Variants in FOXP1 observed in about 807,000 individuals in gnomAD.
The protein encoded by FOXP1 is forkhead box P1.
FOXP1 carries 15 observed loss-of-function variants against 98.2 expected under a neutral mutation model. The ratio of observed to expected loss-of-function variants is 0.15; its 90% CI spans 0.10 to 0.24. The LOEUF (loss-of-function observed/expected upper bound fraction) is 0.24. Ranked by LOEUF, FOXP1 falls within the 10% of genes least tolerant of loss-of-function variation. The probability of loss-of-function intolerance (pLI) is 1.00; values close to 1 mark genes in which losing one functional copy is unlikely to be tolerated. For missense variants in FOXP1, 633 were observed against 848.5 expected, an observed-to-expected ratio of 0.75 and a Z score of 3.15; for synonymous variants, 371 against 314.5, an observed-to-expected ratio of 1.18 and a Z score of -1.90.
chr3:71,469,116 T>C (rs1461933695), intron 3 of FOXP1, among the ~76,000 whole-genome samples: 2 of 152,066 alleles, frequency 1.3e-5, no homozygotes, highest in African/African-American at 4.8e-5. Flanking sequence ...ACTAAGAAAA[T>C]AACAATAAAA....
chr3:71,535,475 C>T (rs2044214373), intron 2 of FOXP1, among the ~76,000 whole-genome samples: 1 of 152,036 alleles, frequency 6.6e-6, no homozygotes, highest in Admixed American at 6.6e-5. Flanking sequence ...GAGGCCAAGG[C>T]AGGTGGATCA....
At chr3:70,969,906 T>G (rs1016799032) in intron 19 of FOXP1, 1 of 152,258 alleles carries the variant, frequency 6.6e-6, no homozygotes, top group East Asian at 1.9e-4. Context: ...AAAAGGATAC[T>G]GCTTACTTAT....
intron 5 of FOXP1, among the ~76,000 whole-genome samples, chr3:71,265,286 A>T (rs2069530550): frequency 6.6e-6 from 1 of 152,218 alleles, no homozygotes; most frequent in Non-Finnish European, 1.5e-5. Flanking sequence ...ACTTGAAGAG[A>T]AATCACCCAG....
At chr3:71,019,944 A>G (rs1576213953) in intron 11 of FOXP1, among the ~76,000 whole-genome samples, 1 of 152,160 alleles carries the variant, frequency 6.6e-6, no homozygotes, top group African/African-American at 2.4e-5. Context: ...ATATTGTTCT[A>G]TTTCATTTCT....
At chr3:71,519,832 A>C (rs534241552) in intron 2 of FOXP1, among the ~76,000 whole-genome samples, 1 of 152,372 alleles carries the variant, frequency 6.6e-6, no homozygotes, top group South Asian at 2.1e-4. Flanking sequence ...CTGGGATGTA[A>C]GCAAATGCTT....
intron 6 of FOXP1, among the ~76,000 whole-genome samples, chr3:71,169,494 T>G (rs190586374): frequency 2.6e-4 from 39 of 152,324 alleles, no homozygotes; most frequent in Admixed American, 2.5e-3. Context: ...CATTCTAGCC[T>G]CATGTTCCTT....
intron 3 of FOXP1, among the ~76,000 whole-genome samples, chr3:71,459,913 T>G (rs2087864331): frequency 6.6e-6 from 1 of 151,890 alleles, no homozygotes; most frequent in Admixed American, 6.6e-5. Context: ...CCTAAAATAA[T>G]ATATCAGGCC....
intron 11 of FOXP1, among the ~76,000 whole-genome samples, chr3:71,025,738 T>C (rs1393053298): frequency 6.6e-6 from 1 of 152,186 alleles, no homozygotes; most frequent in Non-Finnish European, 1.5e-5. Context: ...ATCTGTTGGG[T>C]GATATGGTCA....
At chr3:71,301,143 C>T (rs953150590) in intron 4 of FOXP1, among the ~76,000 whole-genome samples, 1 of 152,160 alleles carries the variant, frequency 6.6e-6, no homozygotes, top group Non-Finnish European at 1.5e-5. Context: ...CATAAATTTT[C>T]ACCATTTGGG....
intron 3 of FOXP1, among the ~76,000 whole-genome samples, chr3:71,470,478 G>A (rs530611286): frequency 1.3e-5 from 2 of 152,154 alleles, no homozygotes; most frequent in African/African-American, 2.4e-5. Flanking sequence ...GGTGGCTCAC[G>A]CCTTTAATCC....
intron 4 of FOXP1, among the ~76,000 whole-genome samples, chr3:71,303,013 G>A (rs755262469): frequency 6.6e-6 from 1 of 152,066 alleles, no homozygotes; most frequent in Non-Finnish European, 1.5e-5. Flanking sequence ...TAATCTGTGT[G>A]ACATATAATA....
intron 2 of FOXP1, among the ~76,000 whole-genome samples, chr3:71,562,347 T>G (rs922814324): frequency 6.6e-6 from 1 of 152,208 alleles, no homozygotes; most frequent in Non-Finnish European, 1.5e-5. Flanking sequence ...GCAGGTGCTA[T>G]CATACCATTT....
At chr3:70,970,450 C>CAAGTGAAATTCTGAAATAAGAGGATG (rs2035967153) in intron 19 of FOXP1, 2 of 442,344 alleles carry the variant, frequency 4.5e-6, no homozygotes, top group African/African-American at 4.0e-5. Flanking sequence ...ATTTTTGCCT[C>CAAGTGAAATTCTGAAATAAGAGGATG]AAGTGAAATT....
rs140429959 is a variant in FOXP1 at position 71,567,596 on chromosome 3, G to A, written c.-298+13953C>T. Among the ~76,000 whole-genome samples, 81 of 152,276 alleles carry A rather than the reference G, an allele frequency of 5.3e-4. 1 individual carries two copies. Among genetic ancestry groups the A allele is most frequent in the African/African-American group, 1.8e-3 (73 of 41,572 alleles). On this transcript the variant is annotated intron_variant, in intron 2 of 20. Coordinates refer to ENST00000649528, the MANE Select transcript of FOXP1 (RefSeq NM_001349338.3). ...AGCTGTTAGCTTTATTAGTGAGGGA[G>A]CCCCAACTGTCCAATGCAGTGGTAC... is the stretch of plus-strand genomic sequence containing the variant.
intron 4 of FOXP1, among the ~76,000 whole-genome samples, chr3:71,320,446 C>T (rs1009577334): frequency 2.6e-5 from 4 of 151,968 alleles, no homozygotes; most frequent in African/African-American, 9.7e-5. Context: ...ATCTAGCCTA[C>T]CACCGTATTG....
intron 2 of FOXP1, among the ~76,000 whole-genome samples, chr3:71,569,234 A>G (rs1211995258): frequency 2.0e-5 from 3 of 152,176 alleles, no homozygotes; most frequent in Non-Finnish European, 4.4e-5. Context: ...TACATTTTCT[A>G]CCTCAAGGAG....
In FOXP1 at chr3:70,970,646, A is replaced by T. The variant is rs139128497; in HGVS notation, c.1722+90T>A. The T allele has an allele frequency of 3.1e-3, 3,364 of 1,077,538 alleles. 9 individuals are homozygous for T. Among genetic ancestry groups the T allele is most frequent in the Non-Finnish European group, 4.1e-3 (2,799 of 690,742 alleles). 66.7% of individuals were successfully genotyped at this position (1,077,538 alleles called of 1,614,324 possible). On this transcript the variant is annotated intron_variant, in intron 19 of 20. Coordinates refer to ENST00000649528, the MANE Select transcript of FOXP1 (RefSeq NM_001349338.3). ...AAAAGTTTAACGGAATTAAAATTTA[A>T]TATCTAATTAGAGCAAGGCTAATAT...
intron 2 of FOXP1, among the ~76,000 whole-genome samples, chr3:71,496,665 CA>C (rs1392711143): frequency 2.6e-5 from 4 of 152,086 alleles, no homozygotes; most frequent in Admixed American, 2.6e-4. Flanking sequence ...ACTAAAAATA[CA>C]AAAATTAGCT....
intron 2 of FOXP1, among the ~76,000 whole-genome samples, chr3:71,568,241 G>GTATT (rs1416414636): frequency 9.9e-5 from 15 of 152,214 alleles, no homozygotes; most frequent in African/African-American, 3.6e-4. Context: ...CTAGGAGAAG[G>GTATT]TATGTGCTTC....
Sources: allele counts gnomAD v4.1 joint callset (sites outside exome capture counted in the v4.1 genomes callset), GRCh38; gene constraint gnomAD v4.1.1; transcripts MANE v1.5; gene names NCBI Gene and HGNC (gene_info 2026-07-23, HGNC 2026-07-21).